The following GCC2 variants were observed in gnomAD, a reference collection of about 807,000 sequenced individuals.
GCC2 encodes GRIP and coiled-coil domain containing 2.
In GCC2, 120 loss-of-function variants were observed where a neutral mutation model predicts 210.6. That is an observed-to-expected ratio of 0.57 (90% confidence interval 0.49 to 0.66). The LOEUF (loss-of-function observed/expected upper bound fraction) is 0.66. GCC2 is among the 30% of genes least tolerant of loss of function. GCC2 has a pLI of 0.00. For synonymous variants in GCC2, 703 were observed against 652.7 expected, an observed-to-expected ratio of 1.08 and a Z score of -1.17; for missense variants, 1,868 against 1,871.9, an observed-to-expected ratio of 1.00 and a Z score of 0.04.
chr2:108,492,266 TTAAATA>T (rs1477757058), intron 18 of GCC2, among the ~76,000 whole-genome samples: 6 of 152,128 alleles, frequency 3.9e-5, no homozygotes, highest in African/African-American at 1.4e-4. Context: ...ATTTTATGCT[TTAAATA>T]TAATCCTATT....
In GCC2 at chr2:108,449,432, C is replaced by T. The variant is rs569916898; in HGVS notation, c.6+152C>T. ...CCTCCCCATCTTTCGTAAACTCTATCCCTGGGGGTTACCTGCCCCGTAGAG... is the reference window on the plus strand; with the variant it reads ...CCTCCCCATCTTTCGTAAACTCTATTCCTGGGGGTTACCTGCCCCGTAGAG... On this transcript the variant is annotated intron_variant, in intron 1 of 22. Coordinates refer to ENST00000309863, the MANE Select transcript of GCC2 (RefSeq NM_181453.4). 19 of 1,396,908 alleles carry T rather than the reference C, an allele frequency of 1.4e-5. No homozygotes were observed. The Middle Eastern group carries it at 5.6e-4, about 41-fold the overall frequency. 86.5% of individuals were successfully genotyped at this position (1,396,908 alleles called of 1,614,324 possible).
At position 108,487,598 on chromosome 2, in the gene GCC2, A is replaced by AT. The variant is rs1682207481; in HGVS notation, c.3931-97dup. 1.1e-5 allele frequency: 12 copies of AT among 1,110,880 alleles called. No individual in the cohort carries two copies. In the Admixed American group the frequency reaches 2.7e-4, roughly 25 times the overall value. The allele number at this position is 1,110,880 out of a possible 1,614,324, so 68.8% of individuals were successfully genotyped here. A position where few individuals can be genotyped will look rare whatever the true frequency, so the allele number is the denominator to read the frequency against. On this transcript the variant is annotated intron_variant, in intron 16 of 22. Coordinates refer to ENST00000309863, the MANE Select transcript of GCC2 (RefSeq NM_181453.4). ...AAAAAGAATGTCAGCCATTTTTCTC[A>AT]TTTTCAAAAACAGGTTTTTATCTCA...
intron 1 of GCC2, 141 bp from the exon 2 acceptor site, chr2:108,449,492 C>T: frequency 8.5e-7 from 1 of 1,183,302 alleles, no homozygotes; most frequent in Non-Finnish European, 1.2e-6. Context: ...GCGACCGCCT[C>T]CGTCCGCCCT....
chr2:108,449,250 G>T lies in GCC2; in HGVS notation c.-25G>T. 1 of 1,548,934 alleles carries T rather than the reference G, an allele frequency of 6.5e-7. No homozygotes were observed. Among genetic ancestry groups the T allele is most frequent in the Non-Finnish European group, 8.7e-7 (1 of 1,145,078 alleles). The stretch of plus-strand genomic sequence containing the variant: ...AGTGCAGCGGTGGCGGCGGCTGGTT[G>T]CGGGCCGGCGGCGGGCTGGCGGAGA... On this transcript the variant is annotated 5_prime_UTR_variant, in exon 1 of 23. Transcript: ENST00000309863.
chr2:108,462,851 C>T (rs1192894080), intron 4 of GCC2, among the ~76,000 whole-genome samples: 1 of 151,204 alleles, frequency 6.6e-6, no homozygotes, highest in East Asian at 2.0e-4. Context: ...GCATGAGCCA[C>T]CGCATCTGGC....
intron 4 of GCC2, among the ~76,000 whole-genome samples, chr2:108,461,103 G>C (rs890048725): frequency 2.6e-5 from 4 of 152,130 alleles, no homozygotes; most frequent in African/African-American, 9.7e-5. Context: ...TGCAAGATCA[G>C]ACTAATACAC....
chr2:108,501,099 G>A (rs967146193), intron 22 of GCC2, among the ~76,000 whole-genome samples: 2 of 151,790 alleles, frequency 1.3e-5, no homozygotes, highest in African/African-American at 4.9e-5. Context: ...AGATTCAAGC[G>A]ATTCTCCTGC....
intron 4 of GCC2, among the ~76,000 whole-genome samples, chr2:108,455,932 T>G (rs1397032793): frequency 2.0e-5 from 3 of 152,220 alleles, no homozygotes; most frequent in African/African-American, 7.2e-5. Flanking sequence ...CTACCAATAT[T>G]GGGGTTTTTG....
intron 1 of GCC2, 99 bp from the exon 2 acceptor site, chr2:108,449,534 T>G: frequency 7.5e-7 from 1 of 1,337,422 alleles, no homozygotes; most frequent in Admixed American, 1.8e-5. Flanking sequence ...TTCCACCACT[T>G]GATTCCATAG....
intron 4 of GCC2, among the ~76,000 whole-genome samples, chr2:108,459,745 C>CTTTTTTTTGTTTT (rs1680457218): frequency 3.7e-5 from 1 of 26,764 alleles, no homozygotes; most frequent in Non-Finnish European, 6.7e-5. Context: ...CCTTCTTTGT[C>CTTTTTTTTGTTTT]TTTTTTTTTT....
intron 5 of GCC2, chr2:108,469,325 G>GA (rs367799733): frequency 4.8e-6 from 2 of 415,702 alleles, no homozygotes; most frequent in Non-Finnish European, 8.5e-6. Flanking sequence ...TACTAAAAGC[G>GA]AAAAAAAGTA....
At position 108,463,798 on chromosome 2, in the gene GCC2, G is replaced by A. The variant is rs192230213; in HGVS notation, c.217-5182G>A. 2.1e-3 allele frequency among the ~76,000 whole-genome samples: 320 copies of A among 152,236 alleles called. 3 individuals are homozygous for A. The highest frequency in any genetic ancestry group is 7.3e-3 in the African/African-American group (305 of 41,530). On this transcript the variant is annotated intron_variant, in intron 4 of 22. Transcript: ENST00000309863. The stretch of plus-strand genomic sequence containing the variant: ...CAGCAGTGGTGGGACAACCCTCTGG[G>A]TCCTAACTGATCAGCATTGGTTTTG...
rs982401386 is a variant in GCC2, at chr2:108,450,920, A to C, written c.64-108A>C. ...GGAACAAAGTATGCGGTTGGCATAA[A>C]GATTTATTCTGTAGAATGTTTTTGT... is the stretch of plus-strand genomic sequence containing the variant. On this transcript the variant is annotated intron_variant, in intron 2 of 22. Coordinates refer to ENST00000309863, the MANE Select transcript of GCC2 (RefSeq NM_181453.4). The C allele has an allele frequency of 8.4e-6, 6 of 712,140 alleles. No individual in the cohort carries two copies. The African/African-American group carries it at 9.1e-5, about 11-fold the overall frequency. 44.1% of individuals were successfully genotyped at this position (712,140 alleles called of 1,614,324 possible).
chr2:108,456,329 A>T (rs1573344568), intron 4 of GCC2, among the ~76,000 whole-genome samples: 1 of 152,200 alleles, frequency 6.6e-6, no homozygotes, highest in South Asian at 2.1e-4. Context: ...GCTTACCTAC[A>T]CTTCCACCAA....
Position 108,487,839 on chromosome 2 carries a change from A to ATGCAGAGTT in GCC2, c.4052+21_4052+29dup. ...AAGAAAGGTAAAGTCTGAATTAAAT[A>ATGCAGAGTT]TGCAGAGTTTTCCTCCCACAATGCA... is the stretch of plus-strand genomic sequence containing the variant. On this transcript the variant is annotated intron_variant, in intron 17 of 22. Coordinates refer to ENST00000309863, the MANE Select transcript of GCC2 (RefSeq NM_181453.4). The ATGCAGAGTT allele has an allele frequency of 6.2e-7, 1 of 1,606,220 alleles. No homozygotes were observed. The highest frequency in any genetic ancestry group is 2.2e-5 in the East Asian group (1 of 44,484).
At chr2:108,472,342 G>A (rs1681277427) in intron 6 of GCC2, among the ~76,000 whole-genome samples, 1 of 152,030 alleles carries the variant, frequency 6.6e-6, no homozygotes, top group Non-Finnish European at 1.5e-5. Flanking sequence ...GTTTATAGAA[G>A]ATTAAATGAT....
intron 4 of GCC2, chr2:108,462,804 C>G (rs1411729359): frequency 6.6e-6 from 1 of 151,848 alleles, no homozygotes; most frequent in Non-Finnish European, 1.5e-5. Flanking sequence ...CTCAGATGAT[C>G]CACCTGCCTC....
intron 4 of GCC2, among the ~76,000 whole-genome samples, chr2:108,457,089 C>T (rs1680314210): frequency 6.6e-6 from 1 of 151,554 alleles, no homozygotes; most frequent in African/African-American, 2.4e-5. Context: ...CCTGTGTTTT[C>T]TTCTTTTAGT....
Position 108,481,729 on chromosome 2 carries a change from G to A in GCC2, c.3093G>A (p.Glu1031=). 3 of 1,601,584 alleles carry A rather than the reference G, an allele frequency of 1.9e-6. No individual in the cohort carries two copies. The highest frequency in any genetic ancestry group is 2.6e-6 in the Non-Finnish European group (3 of 1,171,962). ...NLLLEYEKQS[E]QLDVEKERAN... Reference sequence around the variant, plus strand: ...TATTAGAATATGAAAAGCAGTCAGAGCAACTGGATGTGGAAAAAGAACGTG... The same window carrying A: ...TATTAGAATATGAAAAGCAGTCAGAACAACTGGATGTGGAAAAAGAACGTG... Residue 1031 remains glutamate (E), a synonymous_variant, in exon 10 of 23, where the codon GAG becomes GAA. Transcript: ENST00000309863.
Sources: gnomAD v4.1 joint callset for allele counts (sites outside exome capture counted in the v4.1 genomes callset) on GRCh38, gnomAD v4.1.1 for gene constraint, MANE v1.5 for transcripts, NCBI Gene and HGNC (gene_info 2026-07-23, HGNC 2026-07-21) for gene names.